The following FAF1 variants were observed in gnomAD, a reference collection of about 807,000 sequenced individuals.
FAF1 encodes the protein Fas associated factor 1, also known as FAS-associated factor 1.
FAF1 carries 25 observed loss-of-function variants against 92.5 expected under a neutral mutation model. The ratio of observed to expected loss-of-function variants is 0.27; its 90% CI spans 0.20 to 0.38. FAF1 has a LOEUF of 0.38. FAF1 is among the 10% of genes least tolerant of loss of function. The probability of loss-of-function intolerance (pLI) is 1.00; values close to 1 mark genes in which losing one functional copy is unlikely to be tolerated. For synonymous variants in FAF1, 234 were observed against 273.2 expected (o/e 0.86, Z 1.42); for missense variants, 636 against 793.3 (o/e 0.80, Z 2.38).
At chr1:50,672,282 C>A (rs1443317829) in intron 7 of FAF1, among the ~76,000 whole-genome samples, 1 of 151,950 alleles carries the variant, frequency 6.6e-6, no homozygotes, top group Non-Finnish European at 1.5e-5. Context: ...ACCTTGTGAT[C>A]CACCCGCCTC....
chr1:50,937,708 T>C (rs1022447493), intron 1 of FAF1, among the ~76,000 whole-genome samples: 4 of 152,124 alleles, frequency 2.6e-5, no homozygotes, highest in Admixed American at 6.5e-5. Flanking sequence ...CCAAGTTCTA[T>C]ATTCCTTTAT....
At chr1:50,621,964 G>A (rs1191838896) in intron 8 of FAF1, among the ~76,000 whole-genome samples, 1 of 152,004 alleles carries the variant, frequency 6.6e-6, no homozygotes, top group Non-Finnish European at 1.5e-5. Flanking sequence ...TCGGAAGTTC[G>A]AGACCAGCCT....
intron 7 of FAF1, among the ~76,000 whole-genome samples, chr1:50,685,976 G>A (rs139958105): frequency 1.8e-3 from 272 of 152,212 alleles, no homozygotes; most frequent in African/African-American, 5.9e-3. Context: ...TTCCTAACAG[G>A]CTAATTAATA....
chr1:50,571,808 C>G (rs1182387850), intron 12 of FAF1, among the ~76,000 whole-genome samples: 6 of 152,084 alleles, frequency 3.9e-5, no homozygotes, highest in Non-Finnish European at 8.8e-5. Context: ...AATATTAGAG[C>G]TGGAAGAAAT....
chr1:50,623,948 AAAGAAAGAAGAAGAAG>A lies in FAF1; in HGVS notation c.745-27748_745-27733del, dbSNP rs1161864235. ...GCGAGACCCTGTCTCAAAAAAAAAC[AAAGAAAGAAGAAGAAG>A]AAGAAAGAAGAAGAGGAAGAAGAGG... On this transcript the variant is annotated intron_variant, in intron 8 of 18. Transcript: ENST00000396153. 3.3e-5 allele frequency among the ~76,000 whole-genome samples: 5 copies of A among 152,138 alleles called. No individual in the cohort carries two copies. The South Asian group carries it at 8.3e-4, about 25-fold the overall frequency.
chr1:50,690,786 C>A (rs1249418529), intron 7 of FAF1, among the ~76,000 whole-genome samples: 1 of 152,146 alleles, frequency 6.6e-6, no homozygotes, highest in African/African-American at 2.4e-5. Flanking sequence ...GCCAGATGCC[C>A]CAGAGACTTG....
At chr1:50,712,931 G>A (rs577850627) in intron 6 of FAF1, among the ~76,000 whole-genome samples, 3 of 152,066 alleles carry the variant, frequency 2.0e-5, no homozygotes, top group South Asian at 4.2e-4. Context: ...GGAGGCCAAG[G>A]TGGGTGGGTC....
chr1:50,700,895 T>C (rs949760254), intron 7 of FAF1, among the ~76,000 whole-genome samples: 1 of 152,106 alleles, frequency 6.6e-6, no homozygotes, highest in African/African-American at 2.4e-5. Context: ...AGCTGCATTA[T>C]AAATATTAAA....
chr1:50,725,481 A>T (rs967783586), intron 6 of FAF1, among the ~76,000 whole-genome samples: 4 of 152,160 alleles, frequency 2.6e-5, no homozygotes, highest in Non-Finnish European at 5.9e-5. Context: ...TTTGAGACAG[A>T]GTCTCGCTCT....
chr1:50,936,037 C>T (rs886641472), intron 1 of FAF1, among the ~76,000 whole-genome samples: 2 of 152,198 alleles, frequency 1.3e-5, no homozygotes, highest in Non-Finnish European at 1.5e-5. Flanking sequence ...AAAGCTAAAA[C>T]AGCTGCATTC....
In FAF1 at chr1:50,664,780, C is replaced by T. The variant is rs187987418; in HGVS notation, c.658-9252G>A. Among the ~76,000 whole-genome samples the T allele has an allele frequency of 1.4e-4, 21 of 149,296 alleles. No individual in the cohort carries two copies. In the East Asian group the frequency reaches 3.9e-3, roughly 28 times the overall value. The stretch of plus-strand genomic sequence containing the variant: ...CTGCACTCCAGACTGGGCGACAGAG[C>T]GAGACTCCGTCTCAAATAAACAAAC... On this transcript the variant is annotated intron_variant, in intron 7 of 18. Transcript: ENST00000396153.
intron 1 of FAF1, among the ~76,000 whole-genome samples, chr1:50,881,521 C>A (rs1291273963): frequency 6.6e-6 from 1 of 152,144 alleles, no homozygotes; most frequent in African/African-American, 2.4e-5. Context: ...CCTCACACTA[C>A]CAAAAGAAGG....
intron 4 of FAF1, among the ~76,000 whole-genome samples, chr1:50,784,029 AAAT>A (rs1661274592): frequency 6.6e-6 from 1 of 152,340 alleles, no homozygotes; most frequent in South Asian, 2.1e-4. Flanking sequence ...AAATAAAAGG[AAAT>A]AACCTCTACA....
intron 8 of FAF1, among the ~76,000 whole-genome samples, chr1:50,632,313 A>C (rs528783459): frequency 6.6e-6 from 1 of 152,326 alleles, no homozygotes; most frequent in African/African-American, 2.4e-5. Flanking sequence ...ATAAGACTGA[A>C]AGGTTAGAAA....
chr1:50,775,391 G>A (rs138625902), intron 4 of FAF1, among the ~76,000 whole-genome samples: 203 of 152,180 alleles, frequency 1.3e-3, no homozygotes, highest in African/African-American at 4.7e-3. Flanking sequence ...AACACAAAGG[G>A]TAAGATGTGT....
intron 13 of FAF1, among the ~76,000 whole-genome samples, chr1:50,546,608 C>T (rs1483853201): frequency 5.9e-5 from 9 of 152,292 alleles, no homozygotes; most frequent in African/African-American, 1.7e-4. Context: ...TTGTGATCCT[C>T]CTGCCTCAGC....
At chr1:50,827,805 T>C (rs888821278) in intron 2 of FAF1, among the ~76,000 whole-genome samples, 1 of 151,776 alleles carries the variant, frequency 6.6e-6, no homozygotes, top group African/African-American at 2.4e-5. Context: ...AAAAGAAAAA[T>C]GTACATAATT....
intron 1 of FAF1, among the ~76,000 whole-genome samples, chr1:50,956,796 A>T (rs1645270507): frequency 6.6e-6 from 1 of 152,146 alleles, no homozygotes. Context: ...TAAAAATACA[A>T]AATTAGCTGG....
intron 3 of FAF1, among the ~76,000 whole-genome samples, chr1:50,798,684 C>T (rs777406526): frequency 6.6e-5 from 10 of 152,296 alleles, no homozygotes; most frequent in Middle Eastern, 6.8e-3. Context: ...ATTCCTGACT[C>T]CATCAACATC....
Sources: allele counts gnomAD v4.1 joint callset (sites outside exome capture counted in the v4.1 genomes callset), GRCh38; gene constraint gnomAD v4.1.1; transcripts MANE v1.5; gene names NCBI Gene and HGNC (gene_info 2026-07-23, HGNC 2026-07-21).